The following TRMT1L variants were observed in gnomAD, a reference collection of about 807,000 sequenced individuals.
The protein encoded by TRMT1L is tRNA methyltransferase 1L.
In TRMT1L, 28 loss-of-function variants were observed where a neutral mutation model predicts 81.6. That is an observed-to-expected ratio of 0.34 (90% confidence interval 0.25 to 0.47). TRMT1L has a LOEUF of 0.47. Among genes scored for constraint, TRMT1L ranks in the 20% least tolerant of loss-of-function variants. The pLI is 1.00. For synonymous variants in TRMT1L, 301 were observed against 303.2 expected (o/e 0.99, Z 0.07); for missense variants, 739 against 877.1 (o/e 0.84, Z 1.99).
chr1:185,139,362 G>T lies in TRMT1L; in HGVS notation c.1322+5C>A. 2 of 1,609,608 alleles carry T rather than the reference G, an allele frequency of 1.2e-6. No individual in the cohort carries two copies. The highest frequency in any genetic ancestry group is 1.7e-6 in the Non-Finnish European group (2 of 1,176,708). ...ACACTAAGTACACTGTTGGCAATTT[G>T]GTACCTTGCCACTGCAGCTACAACA... is the stretch of plus-strand genomic sequence containing the variant. On this transcript the variant is annotated splice_donor_5th_base_variant and intron_variant, in intron 9 of 14. Coordinates refer to ENST00000367506, the MANE Select transcript of TRMT1L (RefSeq NM_030934.5).
At chr1:185,145,028 A>C (rs1653152990) in intron 5 of TRMT1L, among the ~76,000 whole-genome samples, 1 of 151,874 alleles carries the variant, frequency 6.6e-6, no homozygotes, top group African/African-American at 2.4e-5. Context: ...AATTCTTGAG[A>C]AGGGATCTCT....
chr1:185,129,729 GTTA>G (rs961271289), intron 10 of TRMT1L, among the ~76,000 whole-genome samples: 102 of 152,318 alleles, frequency 6.7e-4, no homozygotes, highest in African/African-American at 2.4e-3. Flanking sequence ...ATAATGCATA[GTTA>G]TGAGATCTTA....
intron 3 of TRMT1L, among the ~76,000 whole-genome samples, chr1:185,147,888 T>C (rs974894968): frequency 6.6e-6 from 1 of 152,216 alleles, no homozygotes; most frequent in Non-Finnish European, 1.5e-5. Flanking sequence ...ATTAAGGATA[T>C]GTAACTGATT....
In TRMT1L at chr1:185,118,548, C is replaced by A. The variant is rs972477058; in HGVS notation, c.*1471G>T. ...TATAGTAATTTTTAATTGAAAAAAA[C>A]CTCATTTATTCTGCTCATTTGCAAG... On this transcript the variant is annotated 3_prime_UTR_variant, in exon 15 of 15. Coordinates refer to ENST00000367506, the MANE Select transcript of TRMT1L (RefSeq NM_030934.5). 1 of 151,960 alleles carries A rather than the reference C, an allele frequency of 6.6e-6. No homozygotes were observed. The highest frequency in any genetic ancestry group is 3.4e-3 in the Middle Eastern group (1 of 294). The allele number at this position is 151,960 out of a possible 1,614,324, so 9.4% of individuals were successfully genotyped here.
At chr1:185,156,984 T>C (rs1480727890), upstream of TRMT1L, 2 of 491,778 alleles carry the variant, frequency 4.1e-6, no homozygotes, top group East Asian at 4.0e-5. Flanking sequence ...AGAAGCGTAC[T>C]GGGGACGGCG....
rs755738256 is a variant in TRMT1L, at chr1:185,145,487, C to T, written c.607G>A (p.Val203Ile). Residue 203 changes from valine (V) to isoleucine (I), a missense_variant, in exon 5 of 15, where the codon GTT becomes ATT. Coordinates refer to ENST00000367506, the MANE Select transcript of TRMT1L (RefSeq NM_030934.5). ...TCTCCTTTATTCATGTGGCGCCTAA[C>T]ATGTCCTAGCATATCAGTTCTTCTG... ...ITRRTDMLGH[V>I]RRHMNKGETK... The T allele has an allele frequency of 2.1e-5, 34 of 1,612,078 alleles. No homozygotes were observed. The highest frequency in any genetic ancestry group is 2.9e-5 in the Non-Finnish European group (34 of 1,178,642).
chr1:185,156,899 A>G lies in TRMT1L; in HGVS notation c.-187T>C, dbSNP rs1653622251. 3 of 778,100 alleles carry G rather than the reference A, an allele frequency of 3.9e-6. No homozygotes were observed. The highest frequency in any genetic ancestry group is 5.8e-6 in the Non-Finnish European group (3 of 520,740). The allele number at this position is 778,100 out of a possible 1,614,324, so 48.2% of individuals were successfully genotyped here. ...CAAATCCTGTTAGTAGAAAACAGAA[A>G]GCCAGAGGCAGCGATTCCAGATGCC... is the stretch of plus-strand genomic sequence containing the variant. On this transcript the variant is annotated 5_prime_UTR_variant, in exon 1 of 15. Transcript: ENST00000367506.
chr1:185,137,659 T>C lies in TRMT1L; in HGVS notation c.1460A>G (p.His487Arg). 1.9e-6 allele frequency: 3 copies of C among 1,614,150 alleles called. No homozygotes were observed. Among genetic ancestry groups the C allele is most frequent in the Non-Finnish European group, 2.5e-6 (3 of 1,180,000 alleles). The stretch of plus-strand genomic sequence containing the variant: ...AATTCTCTCTTCACACCACTGACAA[T>C]GGATCAGGTATTGAATCTTCTTGGC... Reference protein sequence around the residue: ...ETAKKIQYLIHCQWCEERIFQ... With the variant: ...ETAKKIQYLIRCQWCEERIFQ... Residue 487 changes from histidine (H) to arginine (R), a missense_variant, in exon 10 of 15, where the codon CAT becomes CGT. By Grantham distance (29) the His-to-Arg change is conservative. Coordinates refer to ENST00000367506, the MANE Select transcript of TRMT1L (RefSeq NM_030934.5).
In TRMT1L at chr1:185,144,139, T is replaced by C. The variant is rs374958136; in HGVS notation, c.656-110A>G. 5.4e-4 allele frequency: 606 copies of C among 1,116,988 alleles called. 3 individuals are homozygous for C. The South Asian group carries it at 0.011, about 21-fold the overall frequency. The allele number at this position is 1,116,988 out of a possible 1,614,324, so 69.2% of individuals were successfully genotyped here. A position where few individuals can be genotyped will look rare whatever the true frequency, so the allele number is the denominator to read the frequency against. ...AAACATCTAAAACAATAAATATACATTTTGAAAAATAACTTTATATTATTT... is the reference window on the plus strand; with the variant it reads ...AAACATCTAAAACAATAAATATACACTTTGAAAAATAACTTTATATTATTT... On this transcript the variant is annotated intron_variant, in intron 5 of 14. Coordinates refer to ENST00000367506, the MANE Select transcript of TRMT1L (RefSeq NM_030934.5).
chr1:185,157,284 C>T, upstream of TRMT1L: 1 of 152,816 alleles, frequency 6.5e-6, no homozygotes, highest in Non-Finnish European at 1.5e-5. Flanking sequence ...CTTGGGGCTC[C>T]GGAGTTGCCA....
At chr1:185,130,948 T>C (rs1195283117) in intron 10 of TRMT1L, among the ~76,000 whole-genome samples, 2 of 152,100 alleles carry the variant, frequency 1.3e-5, no homozygotes, top group Non-Finnish European at 2.9e-5. Context: ...GGTGTCTTAC[T>C]AAAAAAAGCA....
At chr1:185,133,410 T>C (rs1162262740) in intron 10 of TRMT1L, among the ~76,000 whole-genome samples, 4 of 152,058 alleles carry the variant, frequency 2.6e-5, no homozygotes, top group Non-Finnish European at 5.9e-5. Flanking sequence ...TGATCAGCAA[T>C]AATCCCTGCC....
At chr1:185,142,975 T>G (rs1253695561) in intron 7 of TRMT1L, among the ~76,000 whole-genome samples, 1 of 152,216 alleles carries the variant, frequency 6.6e-6, no homozygotes, top group Non-Finnish European at 1.5e-5. Flanking sequence ...TTATTCTTTA[T>G]TTTTAAAGTA....
At chr1:185,126,245 G>A (rs1295567382) in intron 11 of TRMT1L, among the ~76,000 whole-genome samples, 1 of 152,076 alleles carries the variant, frequency 6.6e-6, no homozygotes, top group Non-Finnish European at 1.5e-5. Context: ...ATATAATCCT[G>A]AGTAATTACT....
chr1:185,121,891 C>T (rs1423257463), intron 13 of TRMT1L, among the ~76,000 whole-genome samples: 1 of 151,834 alleles, frequency 6.6e-6, no homozygotes, highest in Non-Finnish European at 1.5e-5. Flanking sequence ...AGCACCCATG[C>T]AGTGGGCATA....
chr1:185,147,208 C>T lies in TRMT1L; in HGVS notation c.499G>A (p.Val167Met). ...MCICHLPCRPVKPNIIGEQIT... is the reference protein window; with the variant it reads ...MCICHLPCRPMKPNIIGEQIT... ...TGTTCTCCAATAATGTTTGGTTTCACTGGTCGACAAGGTAAGTGACAGATG... is the reference window on the plus strand; with the variant it reads ...TGTTCTCCAATAATGTTTGGTTTCATTGGTCGACAAGGTAAGTGACAGATG... Residue 167 changes from valine (V) to methionine (M), a missense_variant, in exon 4 of 15, where the codon GTG becomes ATG. Transcript: ENST00000367506. The T allele has an allele frequency of 1.2e-6, 2 of 1,610,784 alleles. No homozygotes were observed. Among genetic ancestry groups the T allele is most frequent in the South Asian group, 2.2e-5 (2 of 90,656 alleles).
intron 2 of TRMT1L, 90 bp downstream of exon 2, chr1:185,151,735 A>T: frequency 2.4e-6 from 2 of 834,364 alleles, no homozygotes; most frequent in Non-Finnish European, 3.6e-6. Flanking sequence ...AGAATAAACA[A>T]GTCTACTCTT....
chr1:185,156,360 A>G, intron 1 of TRMT1L, 118 bp downstream of exon 1: 1 of 1,608,460 alleles, frequency 6.2e-7, no homozygotes, highest in Non-Finnish European at 8.5e-7. Flanking sequence ...CCTCCCCACC[A>G]TTTTCCTAAA....
rs577068925 is a variant in TRMT1L at position 185,130,615 on chromosome 1, A to G, written c.1514-1868T>C. Among the ~76,000 whole-genome samples the G allele has an allele frequency of 2.9e-4, 44 of 152,360 alleles. No individual in the cohort carries two copies. The East Asian group carries it at 4.0e-3, about 14-fold the overall frequency. ...AGATGACTATAGAGAGGTATTGCAA[A>G]TAAGAGGTCTGGTTACAATTTTTTA... is the stretch of plus-strand genomic sequence containing the variant. On this transcript the variant is annotated intron_variant, in intron 10 of 14. Coordinates refer to ENST00000367506, the MANE Select transcript of TRMT1L (RefSeq NM_030934.5).
Sources: gnomAD v4.1 joint callset for allele counts (sites outside exome capture counted in the v4.1 genomes callset) on GRCh38, gnomAD v4.1.1 for gene constraint, MANE v1.5 for transcripts, NCBI Gene and HGNC (gene_info 2026-07-23, HGNC 2026-07-21) for gene names.